ADA: variants seen among roughly 807,000 people sequenced by gnomAD.
ADA encodes adenosine aminohydrolase.
Under a neutral mutation model 49.0 loss-of-function variants are expected in ADA, and 45 were observed. The ratio of observed to expected loss-of-function variants is 0.92; its 90% CI spans 0.72 to 1.18. The LOEUF (loss-of-function observed/expected upper bound fraction) is 1.18. Ranked by LOEUF, ADA falls within the 50% of genes most tolerant of loss-of-function variation. The pLI is 0.00. For missense variants in ADA, 445 were observed against 472.5 expected, an observed-to-expected ratio of 0.94 and a Z score of 0.54; for synonymous variants, 173 against 184.2, an observed-to-expected ratio of 0.94 and a Z score of 0.49.
chr20:44,630,781 G>A (rs2065426668), intron 2 of ADA, among the ~76,000 whole-genome samples: 1 of 152,192 alleles, frequency 6.6e-6, no homozygotes, highest in African/African-American at 2.4e-5. Flanking sequence ...ACAGTACTTT[G>A]GGAAGCCAAG....
At chr20:44,629,402 G>A (rs1047631352) in intron 2 of ADA, among the ~76,000 whole-genome samples, 11 of 151,742 alleles carry the variant, frequency 7.2e-5, no homozygotes, top group Non-Finnish European at 1.6e-4. Context: ...ATCTCAAGGG[G>A]GATAAACAGG....
At chr20:44,619,990 A>G in intron 11 of ADA, 143 bp from the exon 12 acceptor site, 1 of 1,189,902 alleles carries the variant, frequency 8.4e-7, no homozygotes, top group Non-Finnish European at 1.2e-6. Flanking sequence ...ATAGGAAGAA[A>G]GGAGCAGAAC....
At chr20:44,633,562 G>A (rs111937217) in intron 2 of ADA, among the ~76,000 whole-genome samples, 2 of 152,132 alleles carry the variant, frequency 1.3e-5, no homozygotes, top group Non-Finnish European at 2.9e-5. Context: ...ATGGGTTAAG[G>A]CTCTTGCTCC....
At chr20:44,635,943 T>G (rs1054331710) in intron 2 of ADA, 1 of 477,466 alleles carries the variant, frequency 2.1e-6, no homozygotes, top group Admixed American at 3.3e-5. Context: ...ACTACCTTCA[T>G]GCACGTATGT....
At chr20:44,647,546 C>T (rs940413162) in intron 1 of ADA, among the ~76,000 whole-genome samples, 12 of 152,100 alleles carry the variant, frequency 7.9e-5, no homozygotes, top group Non-Finnish European at 1.2e-4. Context: ...TCCCTCCACT[C>T]CCTAAGCTTC....
chr20:44,644,078 C>G (rs1341072134), intron 1 of ADA, among the ~76,000 whole-genome samples: 1 of 146,438 alleles, frequency 6.8e-6, no homozygotes, highest in Non-Finnish European at 1.5e-5. Context: ...CGAGCAGGGC[C>G]GTCTACCTCC....
At chr20:44,624,135 T>TC (rs2065359523) in intron 6 of ADA, 67 bp downstream of exon 6, 1 of 1,551,462 alleles carries the variant, frequency 6.4e-7, no homozygotes, top group African/African-American at 1.4e-5. Flanking sequence ...TTGTGATTTC[T>TC]CCCAACTATG....
In ADA at chr20:44,623,015, C is replaced by T. The variant is rs757210600; in HGVS notation, c.670G>A (p.Val224Ile). 2 of 1,614,090 alleles carry T rather than the reference C, an allele frequency of 1.2e-6. No homozygotes were observed. The highest frequency in any genetic ancestry group is 2.7e-5 in the African/African-American group (2 of 74,934). ...HAGEVGSAEV[V>I]KEAVDILKTE... ...CCAGCCCAGGCCCTCACCTCTTTTA[C>T]TACTTCGGCCGAGCCCACCTCCCCG... The change falls in exon 7 of 12, where the codon GTA becomes ATA. Residue 224 changes from valine to isoleucine, a missense_variant. Physicochemically the swap from Val to Ile is conservative, Grantham distance 29. Coordinates refer to ENST00000372874, the MANE Select transcript of ADA (RefSeq NM_000022.4).
At position 44,622,876 on chromosome 20, in the gene ADA, C is replaced by T. The variant is rs766952213; in HGVS notation, c.733G>A (p.Asp245Asn). The T allele has an allele frequency of 1.2e-6, 2 of 1,614,254 alleles. No homozygotes were observed. The highest frequency in any genetic ancestry group is 2.2e-5 in the South Asian group (2 of 91,082). ...CGCAGCCTGTTATAAAGGGCCTGGT[C>T]TTCCAGGGTGTGGTAGCCGTGTCCC... ...RLGHGYHTLE[D>N]QALYNRLRQE... Residue 245 changes from aspartate (D) to asparagine (N), a missense_variant, in exon 8 of 12, where the codon GAC becomes AAC. Physicochemically the swap from Asp to Asn is conservative, Grantham distance 23. Coordinates refer to ENST00000372874, the MANE Select transcript of ADA (RefSeq NM_000022.4).
intron 1 of ADA, among the ~76,000 whole-genome samples, chr20:44,641,834 C>A (rs570123828): frequency 7.3e-5 from 11 of 150,486 alleles, no homozygotes; most frequent in African/African-American, 2.7e-4. Context: ...GTGGCAAGAT[C>A]TCAGCTCATT....
rs778809577 is a variant in ADA at position 44,622,906 on chromosome 20, G to A, written c.703C>T (p.Arg235Trp). ...KEAVDILKTE[R>W]LGHGYHTLED... ...AGGGTGTGGTAGCCGTGTCCCAGCC[G>A]CTCTGTCTTGAGTATGTCCACAGCC... is the stretch of plus-strand genomic sequence containing the variant. Residue 235 changes from arginine to tryptophan, a missense_variant, in exon 8 of 12, where the codon CGG (arginine) becomes TGG (tryptophan). Arg to Trp is a moderately radical substitution (Grantham distance 101). Coordinates refer to ENST00000372874, the MANE Select transcript of ADA (RefSeq NM_000022.4). 18 of 1,614,096 alleles carry A rather than the reference G, an allele frequency of 1.1e-5. No individual in the cohort carries two copies. Among genetic ancestry groups the A allele is most frequent in the East Asian group, 2.2e-5 (1 of 44,900 alleles).
intron 8 of ADA, 29 bp from the exon 9 acceptor site, chr20:44,622,681 G>A (rs1321011035): frequency 6.2e-7 from 1 of 1,613,946 alleles, no homozygotes; most frequent in East Asian, 2.2e-5. Context: ...GGCTGGCAGG[G>A]ATGGCCCCAG....
chr20:44,641,286 A>T (rs2065531469), intron 1 of ADA, among the ~76,000 whole-genome samples: 1 of 152,148 alleles, frequency 6.6e-6, no homozygotes, highest in Non-Finnish European at 1.5e-5. Context: ...ACTTTTTTTA[A>T]AAAAACACGT....
chr20:44,646,313 C>T (rs2065591173), intron 1 of ADA, among the ~76,000 whole-genome samples: 1 of 152,234 alleles, frequency 6.6e-6, no homozygotes, highest in South Asian at 2.1e-4. Flanking sequence ...TGTTCCCCTC[C>T]ACCACCAACT....
chr20:44,640,776 TC>T (rs1481605047), intron 1 of ADA, among the ~76,000 whole-genome samples: 2 of 151,660 alleles, frequency 1.3e-5, no homozygotes, highest in African/African-American at 4.9e-5. Context: ...ATCACATGTA[TC>T]CTTATAAGAC....
intron 9 of ADA, 33 bp from the exon 10 acceptor site, chr20:44,621,180 C>T: frequency 1.9e-6 from 3 of 1,614,008 alleles, no homozygotes; most frequent in Middle Eastern, 1.7e-4. Context: ...GAATCAGCCT[C>T]CTTTTACTCT....
At chr20:44,649,884 C>A (rs1336381360) in intron 1 of ADA, among the ~76,000 whole-genome samples, 1 of 152,078 alleles carries the variant, frequency 6.6e-6, no homozygotes, top group Non-Finnish European at 1.5e-5. Context: ...TACAGGCGCC[C>A]GCCACCATGC....
chr20:44,626,160 C>A (rs1021229268), intron 4 of ADA, among the ~76,000 whole-genome samples: 1 of 152,146 alleles, frequency 6.6e-6, no homozygotes, highest in Non-Finnish European at 1.5e-5. Context: ...CAAGGGAGAC[C>A]CCTCAGAAAT....
chr20:44,629,663 A>T (rs559113341), intron 2 of ADA, among the ~76,000 whole-genome samples: 7 of 152,166 alleles, frequency 4.6e-5, no homozygotes, highest in Non-Finnish European at 1.0e-4. Flanking sequence ...TGGCTGGCAC[A>T]TCAGAGGCTT....
Sources: gnomAD v4.1 joint callset for allele counts (sites outside exome capture counted in the v4.1 genomes callset) on GRCh38, gnomAD v4.1.1 for gene constraint, MANE v1.5 for transcripts, NCBI Gene and HGNC (gene_info 2026-07-23, HGNC 2026-07-21) for gene names.